PASD1: variants seen among roughly 807,000 people sequenced by gnomAD.
PASD1 encodes circadian clock protein PASD1.
Under a neutral mutation model 58.8 loss-of-function variants are expected in PASD1, and 13 were observed. That is an observed-to-expected ratio of 0.22 (90% CI 0.14 to 0.35). PASD1 has a LOEUF of 0.35. Ranked by LOEUF, PASD1 falls within the 10% of genes least tolerant of loss-of-function variation. The pLI is 1.00. For missense variants in PASD1, 734 were observed against 568.3 expected (o/e 1.29, Z -2.96); for synonymous variants, 236 against 216.7 (o/e 1.09, Z -0.78).
At chrX:151,674,231 G>T (rs763010553) in intron 15 of PASD1, 45 bp downstream of exon 15, 1 of 1,197,346 alleles carries the variant, frequency 8.4e-7, no homozygotes, top group South Asian at 1.8e-5. Flanking sequence ...AGGTCAAGAG[G>T]GATTCTGGGC....
At chrX:151,632,470 A>G (rs998932221) in intron 8 of PASD1, among the ~76,000 whole-genome samples, 1 of 111,593 alleles carries the variant, frequency 9.0e-6, no homozygotes. Flanking sequence ...CAGAGCATGC[A>G]GGGCCTGTGA....
At chrX:151,630,677 C>A (rs1234867173) in intron 8 of PASD1, among the ~76,000 whole-genome samples, 1 of 112,554 alleles carries the variant, frequency 8.9e-6, no homozygotes, top group Non-Finnish European at 1.9e-5. Context: ...GGACCCACAG[C>A]TCCCAAAATG....
chrX:151,671,025 T>G lies in PASD1; in HGVS notation c.1072-13T>G. 8.3e-7 allele frequency: 1 copy of G among 1,206,544 alleles called. No individual in the cohort carries two copies. The highest frequency in any genetic ancestry group is 1.1e-6 in the Non-Finnish European group (1 of 892,701). On this transcript the variant is annotated splice_polypyrimidine_tract_variant and intron_variant, in intron 11 of 15. Coordinates refer to ENST00000370357, the MANE Select transcript of PASD1 (RefSeq NM_173493.3). ...GTTGCTATACATGAACCATAAGTAA[T>G]TCCTCCCCACAGCCATTACAGCCAT...
chrX:151,664,947 TC>T (rs1386184643), intron 11 of PASD1, among the ~76,000 whole-genome samples: 1 of 112,287 alleles, frequency 8.9e-6, no homozygotes, highest in Non-Finnish European at 1.9e-5. Flanking sequence ...ACCACAGATT[TC>T]GATGATCATC....
At chrX:151,641,185 G>C (rs1040550009) in intron 8 of PASD1, 1 of 110,020 alleles carries the variant, frequency 9.1e-6, no homozygotes, top group African/African-American at 3.3e-5. Flanking sequence ...TTCCTCTTTT[G>C]ATGTGTTTGT....
intron 6 of PASD1, among the ~76,000 whole-genome samples, chrX:151,622,410 G>A (rs1163702152): frequency 1.8e-5 from 2 of 110,736 alleles, no homozygotes; most frequent in Non-Finnish European, 3.8e-5. Context: ...ACACCCATCA[G>A]AATGGGAAAA....
chrX:151,603,707 G>T (rs925679384), intron 2 of PASD1, among the ~76,000 whole-genome samples: 1 of 110,990 alleles, frequency 9.0e-6, no homozygotes, highest in African/African-American at 3.3e-5. Context: ...TTCACACCCA[G>T]TTACACACCC....
intron 8 of PASD1, 151 bp downstream of exon 8, chrX:151,625,681 T>C: frequency 4.2e-6 from 2 of 478,561 alleles, no homozygotes; most frequent in Non-Finnish European, 7.0e-6. Flanking sequence ...TGGTGGCTCA[T>C]GCCTGTAGTC....
intron 1 of PASD1, among the ~76,000 whole-genome samples, chrX:151,596,337 C>A (rs2013322112): frequency 9.0e-6 from 1 of 111,704 alleles, no homozygotes; most frequent in Non-Finnish European, 1.9e-5. Flanking sequence ...GGAGGAGGAA[C>A]TTAAGCTTCT....
chrX:151,593,539 C>G (rs1017848404), intron 1 of PASD1, among the ~76,000 whole-genome samples: 7 of 110,129 alleles, frequency 6.4e-5, no homozygotes, highest in Non-Finnish European at 1.3e-4. Flanking sequence ...ATGATGGTTC[C>G]CAGCTTCTTC....
At chrX:151,604,580 T>C (rs2013460947) in intron 2 of PASD1, 66 bp from the exon 3 acceptor site, 5 of 789,404 alleles carry the variant, frequency 6.3e-6, no homozygotes, top group Admixed American at 2.9e-5. Flanking sequence ...CTTTGAAAAA[T>C]CTAATACCCA....
At chrX:151,669,176 G>GTGTA (rs1556221495) in intron 11 of PASD1, among the ~76,000 whole-genome samples, 2,018 of 101,405 alleles carry the variant, frequency 0.02, 50 homozygotes, top group African/African-American at 0.067. Context: ...ATGTGTGTGT[G>GTGTA]TATATATATA....
rs184647140 is a variant in PASD1 at position 151,639,131 on chromosome X, T to A, written c.630-9484T>A. Among the ~76,000 whole-genome samples, 90 of 112,365 alleles carry A rather than the reference T, an allele frequency of 8.0e-4. No homozygotes were observed. In the Middle Eastern group the frequency reaches 0.014, roughly 17 times the overall value. On this transcript the variant is annotated intron_variant, in intron 8 of 15. Coordinates refer to ENST00000370357, the MANE Select transcript of PASD1 (RefSeq NM_173493.3). Reference sequence around the variant, plus strand: ...TCCCTGGCTTCTCTTTTCTGTGAATTCTCAACACTCTTTTCCAGCGTAGAG... The same window carrying A: ...TCCCTGGCTTCTCTTTTCTGTGAATACTCAACACTCTTTTCCAGCGTAGAG...
In PASD1 at chrX:151,670,918, G is replaced by A. The variant is rs1312542173; in HGVS notation, c.1072-120G>A. 3.7e-6 allele frequency: 3 copies of A among 821,768 alleles called. No individual in the cohort carries two copies. In the African/African-American group the frequency reaches 6.3e-5, roughly 17 times the overall value. The allele number at this position is 821,768 out of a possible 1,213,427, so 67.7% of individuals were successfully genotyped here. On this transcript the variant is annotated intron_variant, in intron 11 of 15. Transcript: ENST00000370357. ...AACTTTCTAGTAATGAATGAAATCA[G>A]GATTTGAGAGCTACCATTTGCATTC...
chrX:151,585,338 ATC>A (rs1294994516), intron 1 of PASD1, among the ~76,000 whole-genome samples: 1 of 112,264 alleles, frequency 8.9e-6, no homozygotes, highest in Non-Finnish European at 1.9e-5. Context: ...CCTCAAAAAG[ATC>A]TGAGAATCAA....
chrX:151,651,214 T>C (rs1284734811), intron 9 of PASD1, among the ~76,000 whole-genome samples: 1 of 111,763 alleles, frequency 8.9e-6, no homozygotes, highest in Non-Finnish European at 1.9e-5. Flanking sequence ...CCTAATGATA[T>C]GGTTTGGATC....
chrX:151,643,116 G>T (rs193042175), intron 8 of PASD1, among the ~76,000 whole-genome samples: 1 of 112,120 alleles, frequency 8.9e-6, no homozygotes, highest in South Asian at 3.7e-4. Context: ...ACAGGTTTTT[G>T]GTAAATCAGT....
chrX:151,596,211 A>T (rs2013320371), intron 1 of PASD1, among the ~76,000 whole-genome samples: 1 of 112,155 alleles, frequency 8.9e-6, no homozygotes, highest in African/African-American at 3.2e-5. Flanking sequence ...AAGGTTCTGC[A>T]GGATGAGAAG....
chrX:151,672,123 A>T (rs2014479378), intron 13 of PASD1, 60 bp from the exon 14 acceptor site: 2 of 1,113,841 alleles, frequency 1.8e-6, no homozygotes, highest in Non-Finnish European at 2.3e-6. Flanking sequence ...AGTGTTAAAT[A>T]AGTTTCTGGG....
Sources: gnomAD v4.1 joint callset for allele counts (sites outside exome capture counted in the v4.1 genomes callset) on GRCh38, gnomAD v4.1.1 for gene constraint, MANE v1.5 for transcripts, NCBI Gene and HGNC (gene_info 2026-07-23, HGNC 2026-07-21) for gene names.